Variants in RPTOR observed in about 807,000 individuals in gnomAD.
RPTOR encodes the protein regulatory-associated protein of mTOR.
RPTOR carries 21 observed loss-of-function variants against 169.9 expected under a neutral mutation model. The ratio of observed to expected loss-of-function variants is 0.12; its 90% CI spans 0.09 to 0.18. The LOEUF is 0.18. Ranked by LOEUF, RPTOR falls within the 10% of genes least tolerant of loss-of-function variation. The probability of loss-of-function intolerance (pLI) is 1.00; values close to 1 mark genes in which losing one functional copy is unlikely to be tolerated. For missense variants in RPTOR, 1,133 were observed against 1,855.9 expected (o/e 0.61, Z 7.16); for synonymous variants, 732 against 753.2 (o/e 0.97, Z 0.46).
chr17:80,950,071 G>A (rs755596173), intron 28 of RPTOR, among the ~76,000 whole-genome samples: 19 of 152,176 alleles, frequency 1.2e-4, no homozygotes, highest in South Asian at 6.2e-4. Context: ...GCCTGGGTGC[G>A]GGGCGAGGCG....
chr17:80,607,408 A>G (rs2065236977), intron 1 of RPTOR, among the ~76,000 whole-genome samples: 1 of 152,142 alleles, frequency 6.6e-6, no homozygotes, highest in Non-Finnish European at 1.5e-5. Flanking sequence ...TTTTCAGAGT[A>G]TCTTTTATAT....
intron 2 of RPTOR, among the ~76,000 whole-genome samples, chr17:80,642,281 C>T (rs547706936): frequency 3.3e-5 from 5 of 152,166 alleles, no homozygotes; most frequent in East Asian, 1.9e-4. Context: ...GGATTACAGG[C>T]GCCCAGCTAA....
rs2066379601 is a variant in RPTOR at position 80,730,326 on chromosome 17, G to A, written c.508-234G>A. Among the ~76,000 whole-genome samples the A allele has an allele frequency of 6.6e-6, 1 of 152,018 alleles. No homozygotes were observed. Among genetic ancestry groups the A allele is most frequent in the South Asian group, 2.1e-4 (1 of 4,808 alleles). On this transcript the variant is annotated intron_variant, in intron 4 of 33. Coordinates refer to ENST00000306801, the MANE Select transcript of RPTOR (RefSeq NM_020761.3). The surrounding 1 kb of genome is among the most constrained non-coding windows in gnomAD (Gnocchi z 4.2). ...TTACCATGTTGGCCAGGCTGGTCTT[G>A]AACTCCTGACCTCAGGTGATCCACC...
At chr17:80,888,727 C>T (rs929877725) in intron 17 of RPTOR, among the ~76,000 whole-genome samples, 25 of 152,388 alleles carry the variant, frequency 1.6e-4, no homozygotes, top group African/African-American at 6.0e-4. Flanking sequence ...CCAGAACACA[C>T]TTGTCAGGCA....
At chr17:80,700,529 GTGGTGGTGA>G (rs2066080017) in intron 3 of RPTOR, among the ~76,000 whole-genome samples, 1 of 109,062 alleles carries the variant, frequency 9.2e-6, no homozygotes, top group African/African-American at 4.1e-5. Flanking sequence ...GGTGGTGGTG[GTGGTGGTGA>G]TGATGATGGT....
chr17:80,604,922 T>A (rs1192407744), intron 1 of RPTOR, among the ~76,000 whole-genome samples: 1 of 147,552 alleles, frequency 6.8e-6, no homozygotes, highest in Non-Finnish European at 1.5e-5. Flanking sequence ...CATATCTTTT[T>A]TTTTTTCCCC....
chr17:80,872,348 G>A (rs1356845217), intron 13 of RPTOR, among the ~76,000 whole-genome samples: 1 of 152,138 alleles, frequency 6.6e-6, no homozygotes, highest in African/African-American at 2.4e-5. Flanking sequence ...GTTTTACTCC[G>A]GGCAGATTCC....
intron 1 of RPTOR, among the ~76,000 whole-genome samples, chr17:80,554,472 G>T (rs774784573): frequency 6.6e-6 from 1 of 151,938 alleles, no homozygotes; most frequent in Non-Finnish European, 1.5e-5. Flanking sequence ...GGTGGGGTGC[G>T]GTGGCTCACA....
chr17:80,768,158 G>A (rs1451755773), intron 6 of RPTOR, among the ~76,000 whole-genome samples: 2 of 152,182 alleles, frequency 1.3e-5, no homozygotes, highest in Non-Finnish European at 2.9e-5. Context: ...CACCGCGCCT[G>A]ACCACGTGAA....
intron 7 of RPTOR, among the ~76,000 whole-genome samples, chr17:80,821,483 C>A (rs1161929677): frequency 2.0e-5 from 3 of 152,184 alleles, no homozygotes; most frequent in Non-Finnish European, 2.9e-5. Flanking sequence ...CAGCTCCATC[C>A]AAGTTGCTGC....
At chr17:80,961,774 GGGGTGGCA>G (rs1180483783) in intron 31 of RPTOR, 2 of 385,432 alleles carry the variant, frequency 5.2e-6, no homozygotes, top group Non-Finnish European at 9.4e-6. Context: ...TCCACGGGCA[GGGGTGGCA>G]GGGTGGCAGG....
intron 1 of RPTOR, among the ~76,000 whole-genome samples, chr17:80,577,595 G>C (rs2064976101): frequency 6.6e-6 from 1 of 152,170 alleles, no homozygotes; most frequent in Non-Finnish European, 1.5e-5. Context: ...CTTATTTACA[G>C]TCCTTTCCAC....
chr17:80,799,287 C>T (rs972254473), intron 7 of RPTOR, among the ~76,000 whole-genome samples: 5 of 152,214 alleles, frequency 3.3e-5, no homozygotes, highest in African/African-American at 7.2e-5. Flanking sequence ...AGACCGGGGG[C>T]GTGGAAACCC....
intron 1 of RPTOR, among the ~76,000 whole-genome samples, chr17:80,547,885 C>G (rs931791714): frequency 1.3e-5 from 2 of 152,136 alleles, no homozygotes; most frequent in Non-Finnish European, 2.9e-5. Flanking sequence ...AGGGTGGGAA[C>G]AGGGGCTCCC....
intron 7 of RPTOR, among the ~76,000 whole-genome samples, chr17:80,808,539 C>T (rs1227199826): frequency 2.6e-5 from 4 of 152,196 alleles, no homozygotes; most frequent in African/African-American, 4.8e-5. Flanking sequence ...TTCAAATCAG[C>T]GTTCTTGAGG....
At chr17:80,852,114 C>T (rs2067799298) in intron 11 of RPTOR, among the ~76,000 whole-genome samples, 1 of 152,094 alleles carries the variant, frequency 6.6e-6, no homozygotes, top group African/African-American at 2.4e-5. Flanking sequence ...ATCTGGTAGC[C>T]GAACACTATG....
At chr17:80,553,359 A>G (rs886253294) in intron 1 of RPTOR, among the ~76,000 whole-genome samples, 2 of 152,206 alleles carry the variant, frequency 1.3e-5, no homozygotes, top group African/African-American at 4.8e-5. Context: ...GCCTGTGTCC[A>G]CGGCAGACGT....
At chr17:80,825,742 T>A (rs1420053619) in intron 9 of RPTOR, among the ~76,000 whole-genome samples, 1 of 152,224 alleles carries the variant, frequency 6.6e-6, no homozygotes, top group African/African-American at 2.4e-5. Context: ...TCTCCTCTCC[T>A]GGTTCTGACC....
At chr17:80,576,878 A>G (rs1425930892) in intron 1 of RPTOR, among the ~76,000 whole-genome samples, 14 of 151,804 alleles carry the variant, frequency 9.2e-5, no homozygotes. Flanking sequence ...TAATTTTTGT[A>G]TTTTTTGTAG....
Sources: allele counts gnomAD v4.1 joint callset (sites outside exome capture counted in the v4.1 genomes callset), GRCh38; gene constraint gnomAD v4.1.1; non-coding constraint Gnocchi (gnomAD v3.1); transcripts MANE v1.5; gene names NCBI Gene and HGNC (gene_info 2026-07-23, HGNC 2026-07-21).